CASD1: variants seen among roughly 807,000 people sequenced by gnomAD.
CASD1 encodes CAS1 domain sialic acid O acetyltransferase 1, also known as N-acetylneuraminate (7)9-O-acetyltransferase.
In CASD1, 41 loss-of-function variants were observed where a neutral mutation model predicts 100.0. The ratio of observed to expected loss-of-function variants is 0.41; its 90% confidence interval spans 0.32 to 0.53. The LOEUF (loss-of-function observed/expected upper bound fraction) is 0.53, where lower values mean the gene tolerates loss of function less well. Among genes scored for constraint, CASD1 ranks in the 20% least tolerant of loss-of-function variants. The pLI, the probability that CASD1 is intolerant of heterozygous loss-of-function variation, is 0.25. For synonymous variants in CASD1, 321 were observed against 315.6 expected, an observed-to-expected ratio of 1.02 and a Z score of -0.18; for missense variants, 774 against 948.7, an observed-to-expected ratio of 0.82 and a Z score of 2.42.
chr7:94,540,957 A>C (rs973576285), intron 10 of CASD1, among the ~76,000 whole-genome samples: 1 of 152,158 alleles, frequency 6.6e-6, no homozygotes, highest in Non-Finnish European at 1.5e-5. Flanking sequence ...TTATATCATA[A>C]AAAGATGAAG....
At chr7:94,521,874 A>G (rs1180075528) in intron 3 of CASD1, among the ~76,000 whole-genome samples, 2 of 152,190 alleles carry the variant, frequency 1.3e-5, no homozygotes, top group Admixed American at 1.3e-4. Context: ...TCACAAGGTC[A>G]GGAGATCGAG....
At chr7:94,537,024 T>C (rs888161978) in intron 8 of CASD1, among the ~76,000 whole-genome samples, 2 of 152,178 alleles carry the variant, frequency 1.3e-5, no homozygotes, top group African/African-American at 4.8e-5. Flanking sequence ...AGACTTTATC[T>C]TAAGTGGCCT....
intron 12 of CASD1, among the ~76,000 whole-genome samples, chr7:94,546,618 A>G (rs536370014): frequency 5.6e-4 from 85 of 152,060 alleles, no homozygotes; most frequent in Admixed American, 1.9e-3. Flanking sequence ...AACTTTTAAC[A>G]CATAATTTTA....
At chr7:94,585,960 C>G in the CASD1 span, among the ~76,000 whole-genome samples, 2 of 144,324 alleles carry the variant, frequency 1.4e-5, no homozygotes, top group Non-Finnish European at 3.0e-5. Flanking sequence ...TTTAACTGCT[C>G]TATTATCCCA....
rs1190671710 is a variant in CASD1, at chr7:94,555,810, C to G, written c.*52C>G. ...CTCTTCAGGCTACCTTTGTGTGTCT[C>G]TAGAAGAGAAAAGCATCTATCTGGA... On this transcript the variant is annotated 3_prime_UTR_variant, in exon 18 of 18. Coordinates refer to ENST00000297273, the MANE Select transcript of CASD1 (RefSeq NM_022900.5). 2.0e-6 allele frequency: 3 copies of G among 1,528,880 alleles called. No individual in the cohort carries two copies. Among genetic ancestry groups the G allele is most frequent in the African/African-American group, 2.8e-5 (2 of 71,906 alleles). 94.7% of individuals were successfully genotyped at this position (1,528,880 alleles called of 1,614,324 possible).
intron 4 of CASD1, 135 bp downstream of exon 4, chr7:94,527,341 G>C (rs1213441598): frequency 1.5e-6 from 1 of 646,840 alleles, no homozygotes; most frequent in South Asian, 2.8e-5. Flanking sequence ...AAAAGTTTGT[G>C]TGAGTTATTT....
chr7:94,521,680 A>G (rs1427837195), intron 3 of CASD1, among the ~76,000 whole-genome samples: 1 of 152,236 alleles, frequency 6.6e-6, no homozygotes, highest in African/African-American at 2.4e-5. Flanking sequence ...ATACATATAC[A>G]TATGATATAC....
chr7:94,554,480 T>G lies in CASD1; in HGVS notation c.2035-3T>G. 6.3e-7 allele frequency: 1 copy of G among 1,584,742 alleles called. No individual in the cohort carries two copies. ...AATATTTGCTTTTGTGCTTTTTCTT[T>G]AGATTTTAGCCTTCATCCTAATAAG... On this transcript the variant is annotated splice_polypyrimidine_tract_variant and splice_region_variant and intron_variant, in intron 16 of 17. Transcript: ENST00000297273.
intron 5 of CASD1, 65 bp from the exon 6 acceptor site, chr7:94,533,140 G>A: frequency 8.9e-7 from 1 of 1,125,966 alleles, no homozygotes; most frequent in South Asian, 1.6e-5. Flanking sequence ...AAAATTAAAT[G>A]ATGTTACTTG....
At chr7:94,563,624 T>C in the CASD1 span, among the ~76,000 whole-genome samples, 18 of 152,146 alleles carry the variant, frequency 1.2e-4, no homozygotes, top group African/African-American at 4.3e-4. Flanking sequence ...TTTTTTGTTT[T>C]ATCAAATCCA....
rs1795091021 is a variant in CASD1, at chr7:94,535,847, T to C, written c.843+324T>C. On this transcript the variant is annotated intron_variant, in intron 8 of 17. Coordinates refer to ENST00000297273, the MANE Select transcript of CASD1 (RefSeq NM_022900.5). The stretch of plus-strand genomic sequence containing the variant: ...TCTCAGCACACTCACATGTAAAAAC[T>C]ACTGCTTCTATGTTCCCCTTACCTT... 2.6e-5 allele frequency among the ~76,000 whole-genome samples: 4 copies of C among 152,226 alleles called. No individual in the cohort carries two copies. In the South Asian group the frequency reaches 8.3e-4, roughly 31 times the overall value.
chr7:94,520,866 C>T (rs1007492871), intron 3 of CASD1, among the ~76,000 whole-genome samples: 12 of 151,750 alleles, frequency 7.9e-5, no homozygotes, highest in African/African-American at 1.9e-4. Context: ...CCGAGGTGGG[C>T]GGATCACCTG....
At chr7:94,557,893 A>C (rs1485302659), downstream of CASD1, among the ~76,000 whole-genome samples, 1 of 152,070 alleles carries the variant, frequency 6.6e-6, no homozygotes. Context: ...TAAATGTCTT[A>C]ATATTTTATT....
intron 7 of CASD1, among the ~76,000 whole-genome samples, chr7:94,534,858 C>T (rs139457038): frequency 2.6e-5 from 4 of 152,132 alleles, no homozygotes; most frequent in African/African-American, 4.8e-5. Flanking sequence ...GACCTTGAGC[C>T]TCAATAATAT....
the CASD1 span, chr7:94,618,817 G>C: frequency 1.2e-6 from 2 of 1,614,060 alleles, no homozygotes; most frequent in Non-Finnish European, 1.7e-6. Flanking sequence ...GGGCCGATGT[G>C]ATGTTTATGG....
At chr7:94,573,206 AG>A in the CASD1 span, among the ~76,000 whole-genome samples, 2 of 152,174 alleles carry the variant, frequency 1.3e-5, no homozygotes, top group Non-Finnish European at 2.9e-5. Context: ...TTGGCTATTC[AG>A]GCTCTTTTTT....
chr7:94,583,110 C>G, the CASD1 span, among the ~76,000 whole-genome samples: 1 of 152,294 alleles, frequency 6.6e-6, no homozygotes, highest in East Asian at 1.9e-4. Flanking sequence ...TATGTATGTA[C>G]TTGGAGGCAC....
intron 10 of CASD1, 135 bp downstream of exon 10, chr7:94,539,191 C>T (rs1019729464): frequency 2.3e-5 from 10 of 429,060 alleles, no homozygotes; most frequent in East Asian, 1.4e-4. Flanking sequence ...TTAATCTTTC[C>T]GCCTTTCCAT....
chr7:94,525,499 A>G (rs897383312), intron 3 of CASD1, among the ~76,000 whole-genome samples: 1 of 152,180 alleles, frequency 6.6e-6, no homozygotes, highest in Non-Finnish European at 1.5e-5. Flanking sequence ...TGTGATTTTC[A>G]TATATGTGAC....
Sources: gnomAD v4.1 joint callset for allele counts (sites outside exome capture counted in the v4.1 genomes callset) on GRCh38, gnomAD v4.1.1 for gene constraint, MANE v1.5 for transcripts, NCBI Gene and HGNC (gene_info 2026-07-23, HGNC 2026-07-21) for gene names.